The following AOAH variants were observed in gnomAD, a reference collection of about 807,000 sequenced individuals.
AOAH encodes the protein acyloxyacyl hydrolase.
Under a neutral mutation model 92.2 loss-of-function variants are expected in AOAH, and 64 were observed. The ratio of observed to expected loss-of-function variants is 0.69; its 90% CI spans 0.57 to 0.86. The LOEUF (loss-of-function observed/expected upper bound fraction) is 0.86. AOAH is among the 40% of genes least tolerant of loss of function. The pLI, the probability that AOAH is intolerant of heterozygous loss-of-function variation, is 0.00. For missense variants in AOAH, 656 were observed against 694.6 expected (o/e 0.94, Z 0.62); for synonymous variants, 263 against 254.5 (o/e 1.03, Z -0.32).
intron 16 of AOAH, among the ~76,000 whole-genome samples, chr7:36,539,163 C>G (rs1785262228): frequency 6.6e-6 from 1 of 152,168 alleles, no homozygotes; most frequent in Admixed American, 6.5e-5. Flanking sequence ...GCTCCCCACC[C>G]ACTCCCTCTA....
intron 8 of AOAH, among the ~76,000 whole-genome samples, 166 bp from the exon 9 acceptor site, chr7:36,620,995 C>T (rs957402811): frequency 1.3e-5 from 2 of 152,214 alleles, no homozygotes; most frequent in African/African-American, 4.8e-5. Context: ...TGTGTTGTGA[C>T]ATCAGAAGCC....
At chr7:36,605,001 T>A (rs1790900336) in intron 11 of AOAH, among the ~76,000 whole-genome samples, 1 of 152,254 alleles carries the variant, frequency 6.6e-6, no homozygotes, top group Admixed American at 6.5e-5. Flanking sequence ...CTTTGGACTT[T>A]GTACTTCATG....
intron 1 of AOAH, 80 bp from the exon 2 acceptor site, chr7:36,686,874 G>A (rs1307531490): frequency 2.2e-4 from 15 of 68,654 alleles, no homozygotes; most frequent in African/African-American, 4.7e-3. Context: ...AAGGATGCGT[G>A]TGTGTGTGTG....
intron 12 of AOAH, among the ~76,000 whole-genome samples, chr7:36,577,491 CTGTG>C (rs1562586538): frequency 6.6e-6 from 1 of 152,162 alleles, no homozygotes; most frequent in African/African-American, 2.4e-5. Context: ...CTAAACCTTT[CTGTG>C]TGAGAGAAAT....
At chr7:36,648,897 T>G (rs1410652313) in intron 4 of AOAH, among the ~76,000 whole-genome samples, 1 of 152,218 alleles carries the variant, frequency 6.6e-6, no homozygotes, top group Non-Finnish European at 1.5e-5. Context: ...GTTCATAATT[T>G]CCTCAGATGT....
chr7:36,648,074 C>T (rs1052883117), intron 4 of AOAH, among the ~76,000 whole-genome samples: 1 of 152,014 alleles, frequency 6.6e-6, no homozygotes, highest in African/African-American at 2.4e-5. Flanking sequence ...TCAGGTGATC[C>T]TCCCGCCTCG....
chr7:36,654,100 C>CGTGCATGCATCCCTGTGCGTGTGTGT (rs139910338), intron 4 of AOAH, among the ~76,000 whole-genome samples: 3 of 120,834 alleles, frequency 2.5e-5, no homozygotes, highest in East Asian at 3.8e-4. Context: ...GAGCCAGTCA[C>CGTGCATGCATCCCTGTGCGTGTGTGT]GTGCATGCAT....
intron 3 of AOAH, among the ~76,000 whole-genome samples, chr7:36,665,872 A>T (rs1339522336): frequency 6.6e-6 from 1 of 152,102 alleles, no homozygotes; most frequent in East Asian, 1.9e-4. Flanking sequence ...TGAATGTTGA[A>T]CCAGTCTTGT....
chr7:36,723,893 G>T, intron 1 of AOAH, 129 bp downstream of exon 1: 1 of 1,000,396 alleles, frequency 1.0e-6, no homozygotes, highest in Non-Finnish European at 1.4e-6. Flanking sequence ...GTGTCAGTGA[G>T]GTTACTGGTG....
At chr7:36,660,862 C>G (rs1019177745) in intron 3 of AOAH, among the ~76,000 whole-genome samples, 1 of 152,140 alleles carries the variant, frequency 6.6e-6, no homozygotes, top group Non-Finnish European at 1.5e-5. Flanking sequence ...TGTATAAACT[C>G]TTCTATAAGT....
At chr7:36,551,072 C>A (rs1194746874) in intron 13 of AOAH, among the ~76,000 whole-genome samples, 1 of 72,512 alleles carries the variant, frequency 1.4e-5, no homozygotes, top group Non-Finnish European at 3.1e-5. Context: ...CATCTCATTT[C>A]TTTCTTTTTT....
At chr7:36,716,714 A>G (rs193162242) in intron 1 of AOAH, among the ~76,000 whole-genome samples, 10 of 150,028 alleles carry the variant, frequency 6.7e-5, no homozygotes, top group Non-Finnish European at 8.8e-5. Context: ...TCAGCAAACT[A>G]TCAGAAGGAC....
intron 2 of AOAH, among the ~76,000 whole-genome samples, chr7:36,675,091 C>T (rs1303342544): frequency 6.6e-6 from 1 of 152,114 alleles, no homozygotes; most frequent in Non-Finnish European, 1.5e-5. Flanking sequence ...CCCGTCTCTC[C>T]TAAAAACACA....
intron 6 of AOAH, among the ~76,000 whole-genome samples, chr7:36,624,414 G>T (rs752059484): frequency 1.3e-4 from 20 of 152,198 alleles, no homozygotes; most frequent in Non-Finnish European, 2.5e-4. Context: ...AGCCTAAATG[G>T]CAGCCTGGAG....
chr7:36,642,599 C>G (rs1404079641), intron 4 of AOAH, among the ~76,000 whole-genome samples: 1 of 152,172 alleles, frequency 6.6e-6, no homozygotes, highest in African/African-American at 2.4e-5. Context: ...GATTTTTGTT[C>G]TCGACCTTGA....
At chr7:36,558,701 C>T (rs1008102537) in intron 13 of AOAH, among the ~76,000 whole-genome samples, 7 of 152,204 alleles carry the variant, frequency 4.6e-5, no homozygotes, top group Non-Finnish European at 8.8e-5. Flanking sequence ...CCCCCAGCCT[C>T]GCTGCTGCCT....
chr7:36,517,214 C>CCCTT (rs1783804599), intron 20 of AOAH, among the ~76,000 whole-genome samples: 1 of 104,830 alleles, frequency 9.5e-6, no homozygotes, highest in Non-Finnish European at 1.9e-5. Context: ...TTCTTTCTTT[C>CCCTT]TCTTTCTTTC....
rs185007443 is a variant in AOAH at position 36,642,284 on chromosome 7, T to G, written c.391-4374A>C. Among the ~76,000 whole-genome samples the G allele has an allele frequency of 5.2e-3, 792 of 152,170 alleles. 6 individuals carry two copies. Among genetic ancestry groups the G allele is most frequent in the Non-Finnish European group, 8.4e-3 (573 of 68,002 alleles). On this transcript the variant is annotated intron_variant, in intron 4 of 20. Coordinates refer to ENST00000617537, the MANE Select transcript of AOAH (RefSeq NM_001637.4). ...GGGTGGGCTGCTAATCCAGTATTAT[T>G]AGTATCCTTATAAACAGAACACTGT...
intron 19 of AOAH, among the ~76,000 whole-genome samples, chr7:36,524,257 C>G (rs1301977431): frequency 2.0e-5 from 3 of 151,872 alleles, no homozygotes; most frequent in Non-Finnish European, 4.4e-5. Flanking sequence ...GTTTGTGTCC[C>G]TTTCAAATTC....
Sources: allele counts gnomAD v4.1 joint callset (sites outside exome capture counted in the v4.1 genomes callset), GRCh38; gene constraint gnomAD v4.1.1; transcripts MANE v1.5; gene names NCBI Gene and HGNC (gene_info 2026-07-23, HGNC 2026-07-21).